MCPH1: variants seen among roughly 807,000 people sequenced by gnomAD.
MCPH1 encodes the protein microcephalin.
Under a neutral mutation model 84.5 loss-of-function variants are expected in MCPH1, and 104 were observed. That is an observed-to-expected ratio of 1.23 (90% CI 1.05 to 1.45). The LOEUF (loss-of-function observed/expected upper bound fraction) is 1.45, where lower values mean the gene tolerates loss of function less well. Ranked by LOEUF, MCPH1 falls within the 40% of genes most tolerant of loss-of-function variation. The probability of loss-of-function intolerance (pLI) is 0.00; values close to 1 mark genes in which losing one functional copy is unlikely to be tolerated. For synonymous variants in MCPH1, 514 were observed against 366.8 expected (o/e 1.40, Z -4.58); for missense variants, 1,498 against 1,005.7 (o/e 1.49, Z -6.62).
At chr8:6,602,308 C>G (rs17063456) in intron 12 of MCPH1, among the ~76,000 whole-genome samples, 8,737 of 152,246 alleles carry the variant, frequency 0.057, 869 homozygotes, top group African/African-American at 0.2. Flanking sequence ...AGGGACCGTC[C>G]TTGCATTCTG....
At chr8:6,617,731 A>T (rs542820354) in intron 12 of MCPH1, among the ~76,000 whole-genome samples, 1 of 151,922 alleles carries the variant, frequency 6.6e-6, no homozygotes, top group South Asian at 2.1e-4. Flanking sequence ...CGCTGGAGTG[A>T]AGGGTCACAA....
intron 12 of MCPH1, among the ~76,000 whole-genome samples, chr8:6,619,392 G>C (rs1196203671): frequency 6.6e-6 from 1 of 151,724 alleles, no homozygotes. Flanking sequence ...CCAGATTCAA[G>C]CGATTCTCCT....
chr8:6,610,005 A>G (rs879759417), intron 12 of MCPH1, among the ~76,000 whole-genome samples: 1 of 152,140 alleles, frequency 6.6e-6, no homozygotes, highest in Non-Finnish European at 1.5e-5. Context: ...AGCAAGGCCG[A>G]TTATATAAAC....
intron 12 of MCPH1, among the ~76,000 whole-genome samples, chr8:6,517,547 C>G (rs1210351983): frequency 1.3e-5 from 2 of 152,208 alleles, no homozygotes; most frequent in Non-Finnish European, 2.9e-5. Flanking sequence ...ATTGAACATT[C>G]TTTTCTTGAA....
At chr8:6,451,672 C>A (rs1388391179) in intron 8 of MCPH1, among the ~76,000 whole-genome samples, 1 of 151,858 alleles carries the variant, frequency 6.6e-6, no homozygotes, top group African/African-American at 2.4e-5. Flanking sequence ...GTATAACTTG[C>A]ATATATACCA....
At chr8:6,615,362 C>G (rs1190491311) in intron 12 of MCPH1, among the ~76,000 whole-genome samples, 1 of 152,172 alleles carries the variant, frequency 6.6e-6, no homozygotes, top group Non-Finnish European at 1.5e-5. Flanking sequence ...AGACCATGTC[C>G]CTGCATTTTT....
chr8:6,524,370 G>T (rs188117902), intron 12 of MCPH1, among the ~76,000 whole-genome samples: 1 of 152,144 alleles, frequency 6.6e-6, no homozygotes, highest in East Asian at 1.9e-4. Context: ...GCTTTTCTGC[G>T]AAGGCATATG....
chr8:6,611,775 C>T (rs368250233), intron 12 of MCPH1, among the ~76,000 whole-genome samples: 1 of 152,214 alleles, frequency 6.6e-6, no homozygotes, highest in Non-Finnish European at 1.5e-5. Context: ...TCCGCCACCA[C>T]GCCCGGCTAA....
At chr8:6,542,797 G>A (rs762520871) in intron 12 of MCPH1, among the ~76,000 whole-genome samples, 1 of 152,078 alleles carries the variant, frequency 6.6e-6, no homozygotes, top group Admixed American at 6.6e-5. Context: ...GAAGTGGGCA[G>A]TTTTTTTCTT....
intron 10 of MCPH1, among the ~76,000 whole-genome samples, chr8:6,479,344 A>G (rs185671102): frequency 2.6e-5 from 4 of 152,254 alleles, no homozygotes; most frequent in Admixed American, 2.0e-4. Context: ...AGCATAGACA[A>G]TAACCTCTTC....
chr8:6,427,703 C>G (rs904951957), intron 3 of MCPH1, among the ~76,000 whole-genome samples: 1 of 151,978 alleles, frequency 6.6e-6, no homozygotes, highest in East Asian at 1.9e-4. Context: ...AATAATCTAT[C>G]TCTCTGTTAC....
chr8:6,599,887 C>T (rs116594580), intron 12 of MCPH1, among the ~76,000 whole-genome samples: 1,784 of 152,230 alleles, frequency 0.012, 36 homozygotes, highest in African/African-American at 0.041. Context: ...TGAGGGAAAC[C>T]AAAGAAAAAC....
Position 6,538,674 on chromosome 8 carries a change from C to T in MCPH1, c.2214+38745C>T, listed in dbSNP as rs1021926172. ...ATTGCATGCCCTAAGCAAAGATACT[C>T]GTTTTGTGTTTCCTTTTGATATCAA... On this transcript the variant is annotated intron_variant, in intron 12 of 13. Coordinates refer to ENST00000344683, the MANE Select transcript of MCPH1 (RefSeq NM_024596.5). 2.6e-5 allele frequency among the ~76,000 whole-genome samples: 4 copies of T among 152,314 alleles called. No homozygotes were observed. The South Asian group carries it at 6.2e-4, about 24-fold the overall frequency.
intron 12 of MCPH1, among the ~76,000 whole-genome samples, chr8:6,556,905 C>G (rs1372606700): frequency 2.6e-5 from 4 of 152,094 alleles, no homozygotes; most frequent in Non-Finnish European, 5.9e-5. Flanking sequence ...ATTTTCTTCC[C>G]CCTCTGACTT....
intron 12 of MCPH1, chr8:6,532,615 G>A (rs1586429034): frequency 3.0e-6 from 2 of 673,672 alleles, no homozygotes; most frequent in Non-Finnish European, 4.3e-6. Context: ...CTTGTACCTT[G>A]CCTTCCTTTT....
At chr8:6,537,272 G>A (rs906790343) in intron 12 of MCPH1, among the ~76,000 whole-genome samples, 1 of 152,160 alleles carries the variant, frequency 6.6e-6, no homozygotes, top group Non-Finnish European at 1.5e-5. Flanking sequence ...AGGTCCTGCT[G>A]TATATGTGTG....
At chr8:6,630,229 T>C (rs1400810838) in intron 13 of MCPH1, among the ~76,000 whole-genome samples, 4 of 152,102 alleles carry the variant, frequency 2.6e-5, no homozygotes, top group African/African-American at 9.7e-5. Flanking sequence ...GAAAAACTTA[T>C]AAATATTAAA....
chr8:6,436,493 A>G (rs946144461), intron 5 of MCPH1, among the ~76,000 whole-genome samples: 30 of 152,126 alleles, frequency 2.0e-4, no homozygotes, highest in Middle Eastern at 3.4e-3. Flanking sequence ...TTTATATATA[A>G]CTTTGTATTT....
At chr8:6,411,311 G>C (rs972375605) in intron 2 of MCPH1, among the ~76,000 whole-genome samples, 6 of 152,184 alleles carry the variant, frequency 3.9e-5, no homozygotes, top group African/African-American at 1.4e-4. Context: ...AAGGAAGCCA[G>C]TGAAGGTTAT....
Sources: gnomAD v4.1 joint callset for allele counts (sites outside exome capture counted in the v4.1 genomes callset) on GRCh38, gnomAD v4.1.1 for gene constraint, MANE v1.5 for transcripts, NCBI Gene and HGNC (gene_info 2026-07-23, HGNC 2026-07-21) for gene names.